The following MITF variants were observed in gnomAD, a reference collection of about 807,000 sequenced individuals.
MITF encodes the protein microphthalmia-associated transcription factor.
MITF carries 17 observed loss-of-function variants against 60.5 expected under a neutral mutation model. The ratio of observed to expected loss-of-function variants is 0.28; its 90% CI spans 0.19 to 0.42. MITF has a LOEUF of 0.42. MITF is among the 10% of genes least tolerant of loss of function. The probability of loss-of-function intolerance (pLI) is 1.00; values close to 1 mark genes in which losing one functional copy is unlikely to be tolerated. For synonymous variants in MITF, 260 were observed against 248.5 expected (o/e 1.05, Z -0.43); for missense variants, 622 against 683.5 (o/e 0.91, Z 1.00).
chr3:69,938,271 T>A (rs968014302), intron 3 of MITF: 5 of 1,302,978 alleles, frequency 3.8e-6, no homozygotes, highest in Non-Finnish European at 5.4e-6. Flanking sequence ...CCTCTCCAAG[T>A]GAAATGTGGA....
chr3:69,944,323 A>G (rs1245538284), intron 5 of MITF, among the ~76,000 whole-genome samples: 1 of 152,200 alleles, frequency 6.6e-6, no homozygotes, highest in African/African-American at 2.4e-5. Context: ...TTACCAGTCT[A>G]GAAGGGGGAG....
chr3:69,756,587 A>G (rs1461690767), intron 1 of MITF, among the ~76,000 whole-genome samples: 5 of 152,202 alleles, frequency 3.3e-5, no homozygotes, highest in East Asian at 1.9e-4. Context: ...TAGTGCTGCA[A>G]TAAACATACA....
At chr3:69,854,647 G>A (rs2063884731) in intron 1 of MITF, among the ~76,000 whole-genome samples, 1 of 152,154 alleles carries the variant, frequency 6.6e-6, no homozygotes. Flanking sequence ...TGAAAGAGGT[G>A]CTTATTGTAC....
chr3:69,842,354 T>C (rs780128320), intron 1 of MITF, among the ~76,000 whole-genome samples: 6 of 152,100 alleles, frequency 3.9e-5, no homozygotes, highest in Non-Finnish European at 7.4e-5. Context: ...GTAGACAGAT[T>C]TATACCCTTT....
At chr3:69,804,677 A>G (rs1000413820) in intron 1 of MITF, among the ~76,000 whole-genome samples, 1 of 152,180 alleles carries the variant, frequency 6.6e-6, no homozygotes, top group Non-Finnish European at 1.5e-5. Flanking sequence ...ATTTGACTCT[A>G]ACATGTATCA....
chr3:69,963,568 A>G (rs1469466688), intron 9 of MITF, among the ~76,000 whole-genome samples: 6 of 152,204 alleles, frequency 3.9e-5, no homozygotes, highest in East Asian at 1.9e-4. Context: ...TTATTAAATA[A>G]CCATATTACT....
At chr3:69,955,657 G>C (rs1040313334) in intron 7 of MITF, among the ~76,000 whole-genome samples, 7 of 151,724 alleles carry the variant, frequency 4.6e-5, no homozygotes, top group African/African-American at 1.7e-4. Flanking sequence ...TCTACTAAAA[G>C]TACAAAAATT....
chr3:69,884,455 C>T (rs1323176401), intron 2 of MITF, among the ~76,000 whole-genome samples: 2 of 152,038 alleles, frequency 1.3e-5, no homozygotes, highest in East Asian at 1.9e-4. Flanking sequence ...TTAAGAATCC[C>T]GCTTCAAGGT....
chr3:69,868,425 A>C (rs1053281781), intron 1 of MITF, among the ~76,000 whole-genome samples: 1 of 152,136 alleles, frequency 6.6e-6, no homozygotes, highest in African/African-American at 2.4e-5. Flanking sequence ...TTTTCACTTA[A>C]GATACTAAAT....
At chr3:69,927,540 A>T (rs906714081) in intron 2 of MITF, among the ~76,000 whole-genome samples, 2 of 152,250 alleles carry the variant, frequency 1.3e-5, no homozygotes, top group Non-Finnish European at 2.9e-5. Flanking sequence ...GTAAAAAAAA[A>T]AATAAATTTG....
At chr3:69,829,454 T>C (rs571295195) in intron 1 of MITF, among the ~76,000 whole-genome samples, 9 of 152,352 alleles carry the variant, frequency 5.9e-5, no homozygotes, top group Non-Finnish European at 1.3e-4. Flanking sequence ...TATTTAACTG[T>C]GACTTTTGAT....
chr3:69,914,680 G>T (rs1322970537), intron 2 of MITF, among the ~76,000 whole-genome samples: 1 of 152,150 alleles, frequency 6.6e-6, no homozygotes, highest in Non-Finnish European at 1.5e-5. Flanking sequence ...AAGTACTCGA[G>T]AAAGGGTGAT....
intron 1 of MITF, among the ~76,000 whole-genome samples, chr3:69,816,984 C>G (rs958181580): frequency 6.6e-6 from 1 of 152,118 alleles, no homozygotes; most frequent in Non-Finnish European, 1.5e-5. Flanking sequence ...GACACTCTTC[C>G]TTTTCACTGC....
chr3:69,744,672 G>T (rs1381590752), intron 1 of MITF, among the ~76,000 whole-genome samples: 8 of 152,186 alleles, frequency 5.3e-5, no homozygotes, highest in Admixed American at 3.9e-4. Flanking sequence ...TGGCATTTTG[G>T]AAGGTGTTTT....
chr3:69,742,838 CT>C (rs1559603580), intron 1 of MITF, among the ~76,000 whole-genome samples: 1 of 152,180 alleles, frequency 6.6e-6, no homozygotes, highest in Non-Finnish European at 1.5e-5. Context: ...TAGTGTGGCC[CT>C]TTTTTGACCA....
At chr3:69,914,445 C>T (rs537950319) in intron 2 of MITF, among the ~76,000 whole-genome samples, 32 of 152,188 alleles carry the variant, frequency 2.1e-4, no homozygotes, top group African/African-American at 6.5e-4. Context: ...TTTTGAGGAA[C>T]GGTTTTATAT....
chr3:69,752,097 C>G (rs1227640738), intron 1 of MITF: 1 of 152,218 alleles, frequency 6.6e-6, no homozygotes, highest in Non-Finnish European at 1.5e-5. Flanking sequence ...TTCTGTGGAA[C>G]CGTGAAGCAC....
At chr3:69,882,669 CT>C (rs1450179214) in intron 2 of MITF, among the ~76,000 whole-genome samples, 1 of 152,054 alleles carries the variant, frequency 6.6e-6, no homozygotes, top group South Asian at 2.1e-4. Flanking sequence ...TTTGATGTAG[CT>C]TTTTTCAAAC....
rs2066340065 is a variant in MITF at position 69,954,173 on chromosome 3, A to G, written c.956-2282A>G. Among the ~76,000 whole-genome samples, 4 of 152,150 alleles carry G rather than the reference A, an allele frequency of 2.6e-5. No individual in the cohort carries two copies. The South Asian group carries it at 8.3e-4, about 32-fold the overall frequency. On this transcript the variant is annotated intron_variant, in intron 7 of 9. Coordinates refer to ENST00000352241, the MANE Select transcript of MITF (RefSeq NM_001354604.2). ...ATATTGACAGTGAAAGGTGTCAGCT[A>G]TATGCTGGTGAGTGAAAAAAAGATG...
Sources: gnomAD v4.1 joint callset for allele counts (sites outside exome capture counted in the v4.1 genomes callset) on GRCh38, gnomAD v4.1.1 for gene constraint, MANE v1.5 for transcripts, NCBI Gene and HGNC (gene_info 2026-07-23, HGNC 2026-07-21) for gene names.